The following TTC3 variants were observed in gnomAD, a reference collection of about 807,000 sequenced individuals.
TTC3 encodes tetratricopeptide repeat domain 3.
A neutral mutation model predicts 249.6 loss-of-function variants in TTC3; 180 were observed. The ratio of observed to expected loss-of-function variants is 0.72; its 90% CI spans 0.64 to 0.82. The LOEUF is 0.82. Among genes scored for constraint, TTC3 ranks in the 40% least tolerant of loss-of-function variants. The probability of loss-of-function intolerance (pLI) is 0.00; values close to 1 mark genes in which losing one functional copy is unlikely to be tolerated. For synonymous variants in TTC3, 717 were observed against 805.0 expected, an observed-to-expected ratio of 0.89 and a Z score of 1.85; for missense variants, 2,061 against 2,398.4, an observed-to-expected ratio of 0.86 and a Z score of 2.94.
At chr21:37,157,907 C>T (rs373313921) in intron 28 of TTC3, among the ~76,000 whole-genome samples, 2 of 152,090 alleles carry the variant, frequency 1.3e-5, no homozygotes, top group African/African-American at 2.4e-5. Flanking sequence ...TTATGATAAT[C>T]CCCAAGTCCC....
At chr21:37,184,381 T>G (rs1427665820) in intron 36 of TTC3, among the ~76,000 whole-genome samples, 1 of 152,268 alleles carries the variant, frequency 6.6e-6, no homozygotes, top group African/African-American at 2.4e-5. Context: ...TGTTGACTTT[T>G]TTCCATTTTA....
chr21:37,147,443 G>T (rs377549417), intron 21 of TTC3, 38 bp from the exon 22 acceptor site: 10 of 1,559,670 alleles, frequency 6.4e-6, no homozygotes, highest in Non-Finnish European at 8.7e-6. Context: ...TGACAGATTA[G>T]TATTGTAATG....
At chr21:37,140,955 TAGTG>T (rs1257741683) in intron 20 of TTC3, among the ~76,000 whole-genome samples, 42 of 152,222 alleles carry the variant, frequency 2.8e-4, no homozygotes, top group African/African-American at 7.7e-4. Flanking sequence ...CATCTATAGA[TAGTG>T]AGTGAATTGA....
chr21:37,090,677 C>T (rs1472867421), intron 6 of TTC3: 5 of 264,922 alleles, frequency 1.9e-5, no homozygotes, highest in Non-Finnish European at 1.8e-5. Flanking sequence ...CCATAAACAT[C>T]TATGTTTACC....
At chr21:37,115,875 G>T (rs1043243069) in intron 11 of TTC3, among the ~76,000 whole-genome samples, 1 of 152,152 alleles carries the variant, frequency 6.6e-6, no homozygotes, top group East Asian at 1.9e-4. Flanking sequence ...AGTCGATATT[G>T]AAAGGACTCT....
At chr21:37,102,622 T>G (rs533221056) in intron 10 of TTC3, among the ~76,000 whole-genome samples, 1 of 152,342 alleles carries the variant, frequency 6.6e-6, no homozygotes, top group African/African-American at 2.4e-5. Context: ...TGCACCAACC[T>G]AATAATTCAC....
intron 20 of TTC3, among the ~76,000 whole-genome samples, chr21:37,143,602 G>A (rs1214037673): frequency 6.6e-6 from 1 of 151,696 alleles, no homozygotes; most frequent in Non-Finnish European, 1.5e-5. Flanking sequence ...AACAGGTGCT[G>A]GAGAGGATGT....
Position 37,175,395 on chromosome 21 carries a change from G to A in TTC3, c.4617+2651G>A, listed in dbSNP as rs529832593. Among the ~76,000 whole-genome samples, 261 of 151,716 alleles carry A rather than the reference G, an allele frequency of 1.7e-3. 1 individual carries two copies. Among genetic ancestry groups the A allele is most frequent in the Non-Finnish European group, 2.5e-3 (167 of 67,934 alleles). On this transcript the variant is annotated intron_variant, in intron 35 of 45. Transcript: ENST00000355666. ...GTATATCACCTGAGGTCAGGAGTTG[G>A]AGACCAGCCTGGTCAACATGGTGAA... is the stretch of plus-strand genomic sequence containing the variant.
chr21:37,148,663 A>T lies in TTC3; in HGVS notation c.2118+16A>T. 1 of 1,525,918 alleles carries T rather than the reference A, an allele frequency of 6.6e-7. No homozygotes were observed. Among genetic ancestry groups the T allele is most frequent in the Non-Finnish European group, 8.8e-7 (1 of 1,130,864 alleles). The allele number at this position is 1,525,918 out of a possible 1,614,324, so 94.5% of individuals were successfully genotyped here. A position where few individuals can be genotyped will look rare whatever the true frequency, so the allele number is the denominator to read the frequency against. On this transcript the variant is annotated intron_variant, in intron 23 of 45. Transcript: ENST00000355666. The stretch of plus-strand genomic sequence containing the variant: ...AATTGACAAGGTAAAGCATAACAGG[A>T]TTGTCTGAATTTTTCAGTATACTTA...
chr21:37,080,368 A>ATT (rs33918132), intron 1 of TTC3, among the ~76,000 whole-genome samples: 28 of 144,544 alleles, frequency 1.9e-4, no homozygotes, highest in Admixed American at 2.7e-4. Flanking sequence ...TCTTTTTAGC[A>ATT]TTTTTTTTTT....
intron 5 of TTC3, among the ~76,000 whole-genome samples, chr21:37,089,856 G>A (rs912933474): frequency 7.9e-5 from 12 of 152,014 alleles, no homozygotes; most frequent in African/African-American, 1.9e-4. Flanking sequence ...GTAGTGGCAC[G>A]TGCCTGTAAT....
chr21:37,115,678 C>A (rs532622978), intron 11 of TTC3, among the ~76,000 whole-genome samples: 2 of 152,300 alleles, frequency 1.3e-5, no homozygotes, highest in Admixed American at 1.3e-4. Flanking sequence ...GATCTGTCCC[C>A]GTCTTGAACA....
chr21:37,181,153 A>C (rs551568878), intron 35 of TTC3, among the ~76,000 whole-genome samples: 89 of 152,336 alleles, frequency 5.8e-4, no homozygotes, highest in African/African-American at 2.1e-3. Context: ...TGGTTAGTAC[A>C]AACAGAAGAT....
intron 16 of TTC3, among the ~76,000 whole-genome samples, chr21:37,130,202 A>G (rs1350027279): frequency 6.6e-6 from 1 of 152,128 alleles, no homozygotes; most frequent in Non-Finnish European, 1.5e-5. Context: ...TCTTTTCAAA[A>G]ATGACCATTT....
At chr21:37,165,882 T>C (rs1423669616) in exon 33 of TTC3, 1 of 1,614,076 alleles carries the variant, frequency 6.2e-7, no homozygotes, top group Non-Finnish European at 8.5e-7. Context: ...TCTAAACCAG[T>C]GTCAGATTCA....
intron 1 of TTC3, chr21:37,082,630 C>T (rs915629267): frequency 3.0e-6 from 3 of 985,214 alleles, no homozygotes; most frequent in Non-Finnish European, 3.6e-6. Context: ...TAATTTCTAG[C>T]TCAAGGTTTG....
chr21:37,087,672 C>G (rs1282056037), intron 2 of TTC3, among the ~76,000 whole-genome samples, 161 bp from the exon 3 acceptor site: 1 of 152,100 alleles, frequency 6.6e-6, no homozygotes, highest in Non-Finnish European at 1.5e-5. Flanking sequence ...TCAGGTAATA[C>G]TGTAAAACGG....
intron 8 of TTC3, 27 bp from the exon 9 acceptor site, chr21:37,095,323 G>A: frequency 6.6e-7 from 1 of 1,513,092 alleles, no homozygotes; most frequent in Non-Finnish European, 9.0e-7. Context: ...GGTCATTGAT[G>A]GGTCTTCTTT....
intron 35 of TTC3, among the ~76,000 whole-genome samples, chr21:37,179,745 C>T (rs2082588105): frequency 6.6e-6 from 1 of 152,154 alleles, no homozygotes; most frequent in African/African-American, 2.4e-5. Context: ...AGGGATCCTC[C>T]TGCCTCAGAC....
Sources: gnomAD v4.1 joint callset for allele counts (sites outside exome capture counted in the v4.1 genomes callset) on GRCh38, gnomAD v4.1.1 for gene constraint, MANE v1.5 for transcripts, NCBI Gene and HGNC (gene_info 2026-07-23, HGNC 2026-07-21) for gene names.